MGAT4C: variants seen among roughly 807,000 people sequenced by gnomAD.
MGAT4C encodes the protein alpha-1,3-mannosyl-glycoprotein 4-beta-N-acetylglucosaminyltransferase C.
Under a neutral mutation model 40.1 loss-of-function variants are expected in MGAT4C, and 19 were observed. That is an observed-to-expected ratio of 0.47 (90% CI 0.33 to 0.70). The LOEUF (loss-of-function observed/expected upper bound fraction) is 0.70. MGAT4C is among the 30% of genes least tolerant of loss of function. The pLI is 0.02. For synonymous variants in MGAT4C, 181 were observed against 187.1 expected, an observed-to-expected ratio of 0.97 and a Z score of 0.27; for missense variants, 491 against 563.2, an observed-to-expected ratio of 0.87 and a Z score of 1.30.
At chr12:86,551,024 GC>G (rs1367060408) in intron 2 of MGAT4C, among the ~76,000 whole-genome samples, 1 of 152,134 alleles carries the variant, frequency 6.6e-6, no homozygotes, top group African/African-American at 2.4e-5. Context: ...TCAGTCACGT[GC>G]CCACATCTCA....
At chr12:86,756,656 G>A (rs886654863) in intron 1 of MGAT4C, among the ~76,000 whole-genome samples, 1 of 152,102 alleles carries the variant, frequency 6.6e-6, no homozygotes, top group African/African-American at 2.4e-5. Flanking sequence ...CAGCACAACT[G>A]TAATAACAGA....
In MGAT4C at chr12:86,363,737, AG is replaced by A. The variant is rs1481012394; in HGVS notation, c.-119-29611del. Among the ~76,000 whole-genome samples the A allele has an allele frequency of 5.9e-5, 9 of 152,266 alleles. 1 individual carries two copies. Among genetic ancestry groups the A allele is most frequent in the African/African-American group, 2.2e-4 (9 of 41,584 alleles). ...ACCTTTTTCCAGATCAACCAAAGAA[AG>A]GAACAGAGGGAAAGCCAGAAAGAGA... On this transcript the variant is annotated intron_variant, in intron 3 of 7. Transcript: ENST00000548651.
At chr12:86,175,505 GTCT>G (rs1433036305) in intron 1 of MGAT4C, among the ~76,000 whole-genome samples, 1 of 151,994 alleles carries the variant, frequency 6.6e-6, no homozygotes, top group Non-Finnish European at 1.5e-5. Flanking sequence ...TTTTATTTAT[GTCT>G]TCTTCTGGTG....
chr12:86,023,916 T>C (rs61931108), intron 2 of MGAT4C, among the ~76,000 whole-genome samples: 10,732 of 151,810 alleles, frequency 0.071, 540 homozygotes, highest in Middle Eastern at 0.23. Flanking sequence ...TTAAAATTCT[T>C]CCTGAACAAG....
intron 1 of MGAT4C, among the ~76,000 whole-genome samples, chr12:86,760,596 C>T (rs552578879): frequency 6.6e-5 from 10 of 151,930 alleles, no homozygotes; most frequent in South Asian, 6.2e-4. Context: ...TTAGGGACAC[C>T]GGGCAAGAAA....
chr12:86,641,654 G>A (rs186696923), intron 2 of MGAT4C, among the ~76,000 whole-genome samples: 31 of 151,930 alleles, frequency 2.0e-4, no homozygotes, highest in Admixed American at 2.0e-3. Flanking sequence ...TGAACAAACA[G>A]ACTGAAGAAT....
At chr12:86,510,520 G>C (rs1023779456) in intron 2 of MGAT4C, among the ~76,000 whole-genome samples, 2 of 152,100 alleles carry the variant, frequency 1.3e-5, no homozygotes, top group African/African-American at 4.8e-5. Context: ...TGGGCTAAAT[G>C]CTCCAATTAA....
At chr12:86,272,194 C>T (rs1050757863) in intron 4 of MGAT4C, among the ~76,000 whole-genome samples, 4 of 152,296 alleles carry the variant, frequency 2.6e-5, no homozygotes, top group African/African-American at 9.6e-5. Flanking sequence ...CAATTTCCCA[C>T]ATATCCCATA....
In MGAT4C at chr12:85,972,490, T is replaced by TA. The variant is rs547107610; in HGVS notation, c.*6798dup. The TA allele has an allele frequency of 6.6e-6, 1 of 151,010 alleles. No individual in the cohort carries two copies. Among genetic ancestry groups the TA allele is most frequent in the Non-Finnish European group, 1.5e-5 (1 of 67,200 alleles). The allele number at this position is 151,010 out of a possible 1,614,324, so 9.4% of individuals were successfully genotyped here. On this transcript the variant is annotated 3_prime_UTR_variant, in exon 5 of 5. Coordinates refer to ENST00000611864, the MANE Select transcript of MGAT4C (RefSeq NM_001351288.2). The stretch of plus-strand genomic sequence containing the variant: ...TATTTTTAATATATTGCTTCTTTAT[T>TA]AAAAAAAGATACAATCCTTCAATGT...
Position 86,729,848 on chromosome 12 carries a change from T to C in MGAT4C, c.-261-2607A>G, listed in dbSNP as rs111469532. On this transcript the variant is annotated intron_variant, in intron 1 of 7. Transcript: ENST00000548651. ...GTTGTTGACTTTTTAATGGGAGATT[T>C]AAAATGTTTATACAGACTTCAATTG... Among the ~76,000 whole-genome samples, 480 of 152,226 alleles carry C rather than the reference T, an allele frequency of 3.2e-3. 2 individuals carry two copies. The highest frequency in any genetic ancestry group is 0.011 in the African/African-American group (464 of 41,584).
At chr12:86,369,585 T>G (rs1334429535) in intron 3 of MGAT4C, among the ~76,000 whole-genome samples, 2 of 152,000 alleles carry the variant, frequency 1.3e-5, no homozygotes, top group Non-Finnish European at 2.9e-5. Flanking sequence ...ACAACTTCAA[T>G]CACATGCAGT....
chr12:86,565,340 T>G (rs538945677), intron 2 of MGAT4C, among the ~76,000 whole-genome samples: 1 of 152,162 alleles, frequency 6.6e-6, no homozygotes. Context: ...ACTGATGGCC[T>G]CATGGGAAGT....
At chr12:86,347,835 T>C (rs1162216627) in intron 3 of MGAT4C, among the ~76,000 whole-genome samples, 1 of 150,688 alleles carries the variant, frequency 6.6e-6, no homozygotes, top group Non-Finnish European at 1.5e-5. Flanking sequence ...ATTGTTATTT[T>C]AACTTTACTT....
intron 3 of MGAT4C, among the ~76,000 whole-genome samples, chr12:86,406,859 C>T (rs1956484770): frequency 6.6e-6 from 1 of 152,116 alleles, no homozygotes; most frequent in Non-Finnish European, 1.5e-5. Flanking sequence ...TCAAGTAATT[C>T]TCCAGCAGAC....
chr12:86,104,412 C>T (rs1253803057), intron 1 of MGAT4C, among the ~76,000 whole-genome samples: 2 of 152,034 alleles, frequency 1.3e-5, no homozygotes, highest in South Asian at 2.1e-4. Flanking sequence ...TGCACTCTAG[C>T]GTAGGTGACA....
rs116502367 is a variant in MGAT4C, at chr12:86,276,659, C to T, written c.-57+57406G>A. ...AGTTCAATCATTTTAATTTTTACCT[C>T]CTACAAATGAGTGAGAACATGTAAA... On this transcript the variant is annotated intron_variant, in intron 4 of 7. Coordinates refer to the MGAT4C transcript ENST00000548651. Among the ~76,000 whole-genome samples the T allele has an allele frequency of 5.8e-3, 890 of 152,318 alleles. 3 individuals are homozygous for T. The highest frequency in any genetic ancestry group is 0.02 in the African/African-American group (851 of 41,562).
chr12:86,337,194 G>C (rs572315094), intron 3 of MGAT4C, among the ~76,000 whole-genome samples: 1 of 152,014 alleles, frequency 6.6e-6, no homozygotes, highest in East Asian at 1.9e-4. Context: ...CTATATACTA[G>C]GTCCTGGGAG....
chr12:86,637,957 C>A (rs1273363206), intron 2 of MGAT4C, among the ~76,000 whole-genome samples: 1 of 151,802 alleles, frequency 6.6e-6, no homozygotes, highest in African/African-American at 2.4e-5. Flanking sequence ...ACTATTTGTG[C>A]ATGATTATTT....
chr12:86,373,973 T>C (rs752774858), intron 3 of MGAT4C, among the ~76,000 whole-genome samples: 1 of 152,096 alleles, frequency 6.6e-6, no homozygotes. Flanking sequence ...ATACTTTGAA[T>C]GTGTACTAAG....
Sources: allele counts gnomAD v4.1 joint callset (sites outside exome capture counted in the v4.1 genomes callset), GRCh38; gene constraint gnomAD v4.1.1; transcripts MANE v1.5; gene names NCBI Gene and HGNC (gene_info 2026-07-23, HGNC 2026-07-21).